The following PEPD variants were observed in gnomAD, a reference collection of about 807,000 sequenced individuals.
PEPD encodes the protein peptidase D.
Under a neutral mutation model 60.7 loss-of-function variants are expected in PEPD, and 53 were observed. The observed-to-expected ratio is 0.87, with a 90% CI of 0.70 to 1.10. The LOEUF is 1.10. PEPD is among the 50% of genes least tolerant of loss of function. PEPD has a pLI of 0.00. For missense variants in PEPD, 711 were observed against 711.9 expected, an observed-to-expected ratio of 1.00 and a Z score of 0.01; for synonymous variants, 267 against 284.1, an observed-to-expected ratio of 0.94 and a Z score of 0.60.
At chr19:33,489,628 C>CAA (rs367998222) in intron 6 of PEPD, among the ~76,000 whole-genome samples, 20 of 150,572 alleles carry the variant, frequency 1.3e-4, no homozygotes, top group African/African-American at 4.2e-4. Context: ...GACTCCATCT[C>CAA]AAAAAAAATA....
At chr19:33,521,650 C>A in intron 1 of PEPD, 94 bp downstream of exon 1, 6 of 1,358,206 alleles carry the variant, frequency 4.4e-6, no homozygotes, top group Non-Finnish European at 5.1e-6. Flanking sequence ...CGGCATTCAG[C>A]GACCCCGGCT....
chr19:33,497,858 T>C (rs942457743), intron 4 of PEPD, among the ~76,000 whole-genome samples: 2 of 152,136 alleles, frequency 1.3e-5, no homozygotes, highest in African/African-American at 4.8e-5. Flanking sequence ...AGGGAGTCCA[T>C]GTCGCCTCCA....
Position 33,491,306 on chromosome 19 carries a change from T to C in PEPD, c.442-1249A>G, listed in dbSNP as rs192167169. Among the ~76,000 whole-genome samples the C allele has an allele frequency of 5.3e-5, 8 of 151,910 alleles. No homozygotes were observed. In the East Asian group the frequency reaches 1.4e-3, roughly 26 times the overall value. On this transcript the variant is annotated intron_variant, in intron 5 of 14. Transcript: ENST00000244137. The stretch of plus-strand genomic sequence containing the variant: ...CTCTAACAAAAAACACAATATTAGC[T>C]GGGTGTGGTGGTGCATGCCTGTAAT...
chr19:33,398,277 C>A (rs555146040), intron 12 of PEPD, among the ~76,000 whole-genome samples: 198 of 152,372 alleles, frequency 1.3e-3, no homozygotes, highest in African/African-American at 4.5e-3. Context: ...TCACAGGCTG[C>A]AAAGCTCTGC....
intron 11 of PEPD, among the ~76,000 whole-genome samples, chr19:33,403,392 C>T (rs1010670114): frequency 6.6e-6 from 1 of 152,222 alleles, no homozygotes; most frequent in Non-Finnish European, 1.5e-5. Context: ...TGGCTCCACC[C>T]TGGGCTTCCC....
chr19:33,437,263 GTTTAACTACCT>G (rs1363470245), intron 9 of PEPD, among the ~76,000 whole-genome samples: 1 of 152,164 alleles, frequency 6.6e-6, no homozygotes, highest in African/African-American at 2.4e-5. Flanking sequence ...CTAAACGATA[GTTTAACTACCT>G]CCATCAATTG....
intron 3 of PEPD, 71 bp downstream of exon 3, chr19:33,510,957 C>G: frequency 6.5e-7 from 1 of 1,530,228 alleles, no homozygotes; most frequent in Non-Finnish European, 8.9e-7. Context: ...CCAGCTCTCT[C>G]ATCCCACCTC....
intron 9 of PEPD, among the ~76,000 whole-genome samples, chr19:33,421,009 G>A (rs73927873): frequency 0.12 from 18,123 of 152,238 alleles, 1,264 homozygotes; most frequent in East Asian, 0.24. Flanking sequence ...TTGTGGACCC[G>A]TCTAGGTGGG....
At chr19:33,519,183 A>G (rs1220825744) in intron 1 of PEPD, among the ~76,000 whole-genome samples, 2 of 152,212 alleles carry the variant, frequency 1.3e-5, no homozygotes, top group Non-Finnish European at 2.9e-5. Context: ...AGGTGACCTC[A>G]GCGCACTCTG....
At chr19:33,449,501 A>T (rs537296737) in intron 9 of PEPD, among the ~76,000 whole-genome samples, 1 of 152,320 alleles carries the variant, frequency 6.6e-6, no homozygotes, top group East Asian at 1.9e-4. Context: ...CCAAGCCACA[A>T]AATGCACACA....
intron 1 of PEPD, among the ~76,000 whole-genome samples, chr19:33,513,781 C>T (rs1970971889): frequency 1.3e-5 from 2 of 151,870 alleles, no homozygotes; most frequent in Non-Finnish European, 2.9e-5. Context: ...GGCATCCTCG[C>T]TCTTCCCTAA....
intron 9 of PEPD, among the ~76,000 whole-genome samples, chr19:33,416,424 A>T (rs1046441097): frequency 6.6e-6 from 1 of 152,214 alleles, no homozygotes; most frequent in Non-Finnish European, 1.5e-5. Flanking sequence ...CAAGACAGGC[A>T]GGAGTGTCAC....
At chr19:33,472,715 C>G (rs1407068523) in intron 7 of PEPD, among the ~76,000 whole-genome samples, 1 of 152,170 alleles carries the variant, frequency 6.6e-6, no homozygotes, top group East Asian at 1.9e-4. Flanking sequence ...TGAAGGATTT[C>G]CAAAATCAGC....
chr19:33,393,390 C>A (rs1968277944), intron 12 of PEPD, among the ~76,000 whole-genome samples: 1 of 151,972 alleles, frequency 6.6e-6, no homozygotes, highest in Non-Finnish European at 1.5e-5. Context: ...GCACACACAC[C>A]CCTGGCTGGC....
chr19:33,391,543 G>T, intron 12 of PEPD, 64 bp from the exon 13 acceptor site: 2 of 1,430,252 alleles, frequency 1.4e-6, no homozygotes, highest in South Asian at 1.2e-5. Context: ...AGGGCCAGGG[G>T]CTGGGAGATG....
At chr19:33,427,639 T>C (rs1969179604) in intron 9 of PEPD, among the ~76,000 whole-genome samples, 1 of 152,240 alleles carries the variant, frequency 6.6e-6, no homozygotes. Flanking sequence ...AGTCTTTGGA[T>C]GACAGGATGA....
At chr19:33,492,627 T>C (rs1245987115) in intron 5 of PEPD, among the ~76,000 whole-genome samples, 1 of 152,250 alleles carries the variant, frequency 6.6e-6, no homozygotes, top group African/African-American at 2.4e-5. Context: ...ATACCAGATC[T>C]GATTTGTTCT....
intron 1 of PEPD, among the ~76,000 whole-genome samples, chr19:33,515,545 C>G (rs757216074): frequency 6.6e-6 from 1 of 152,056 alleles, no homozygotes; most frequent in South Asian, 2.1e-4. Flanking sequence ...ACCTTGTGCT[C>G]GGATATCCCC....
At chr19:33,484,361 C>T (rs564552778) in intron 6 of PEPD, among the ~76,000 whole-genome samples, 4 of 152,328 alleles carry the variant, frequency 2.6e-5, no homozygotes, top group South Asian at 2.1e-4. Flanking sequence ...ACTCAACGTA[C>T]GTACGCATAC....
Sources: allele counts gnomAD v4.1 joint callset (sites outside exome capture counted in the v4.1 genomes callset), GRCh38; gene constraint gnomAD v4.1.1; transcripts MANE v1.5; gene names NCBI Gene and HGNC (gene_info 2026-07-23, HGNC 2026-07-21).